Variants in CHCHD6 observed in about 807,000 individuals in gnomAD.
CHCHD6 encodes coiled-coil-helix-coiled-coil-helix domain containing 6, also known as MICOS complex subunit MIC25.
A neutral mutation model predicts 32.3 loss-of-function variants in CHCHD6; 28 were observed. That is an observed-to-expected ratio of 0.87 (90% CI 0.64 to 1.19). CHCHD6 has a LOEUF of 1.19. CHCHD6 is among the 50% of genes most tolerant of loss of function. The probability of loss-of-function intolerance (pLI) is 0.00; values close to 1 mark genes in which losing one functional copy is unlikely to be tolerated. For missense variants in CHCHD6, 333 were observed against 307.0 expected, an observed-to-expected ratio of 1.08 and a Z score of -0.63; for synonymous variants, 122 against 117.5, an observed-to-expected ratio of 1.04 and a Z score of -0.25.
chr3:126,940,536 A>G (rs1191278821), intron 6 of CHCHD6, among the ~76,000 whole-genome samples: 4 of 152,178 alleles, frequency 2.6e-5, no homozygotes, highest in Non-Finnish European at 4.4e-5. Flanking sequence ...GTGTGCTTAT[A>G]TGTTTAAATT....
intron 2 of CHCHD6, among the ~76,000 whole-genome samples, chr3:126,728,899 A>G (rs1392476898): frequency 3.9e-5 from 6 of 152,232 alleles, no homozygotes; most frequent in Admixed American, 6.5e-5. Context: ...GTCAGCATAA[A>G]TGGACTGTCT....
intron 1 of CHCHD6, among the ~76,000 whole-genome samples, chr3:126,709,975 T>C (rs931876760): frequency 6.6e-6 from 1 of 152,258 alleles, no homozygotes; most frequent in Non-Finnish European, 1.5e-5. Context: ...ACACCAATCC[T>C]ACATGGATAC....
chr3:126,946,887 A>G (rs2078647210), intron 6 of CHCHD6, among the ~76,000 whole-genome samples: 1 of 152,226 alleles, frequency 6.6e-6, no homozygotes, highest in South Asian at 2.1e-4. Context: ...TATCAGGAGG[A>G]CATATAATAG....
In CHCHD6 at chr3:126,852,041, C is replaced by T. The variant is rs1008268042; in HGVS notation, c.412-606C>T. 9.8e-5 allele frequency among the ~76,000 whole-genome samples: 15 copies of T among 152,324 alleles called. No individual in the cohort carries two copies. The East Asian group carries it at 2.1e-3, about 22-fold the overall frequency. On this transcript the variant is annotated intron_variant, in intron 4 of 7. Transcript: ENST00000290913. Reference sequence around the variant, plus strand: ...CAGGGACTCAACCATCCCCATCAGGCGGGTGAGGAAGCAGCGCCTCTCCAG... The same window carrying T: ...CAGGGACTCAACCATCCCCATCAGGTGGGTGAGGAAGCAGCGCCTCTCCAG...
At position 126,831,247 on chromosome 3, in the gene CHCHD6, G is replaced by A. The variant is rs556391122; in HGVS notation, c.412-21400G>A. 1.6e-4 allele frequency among the ~76,000 whole-genome samples: 24 copies of A among 152,010 alleles called. No homozygotes were observed. The East Asian group carries it at 4.7e-3, about 30-fold the overall frequency. On this transcript the variant is annotated intron_variant, in intron 4 of 7. Transcript: ENST00000290913. The stretch of plus-strand genomic sequence containing the variant: ...TCACTGTGTTAGCCAGGATGGTCTC[G>A]ATCTCCTGACCTCTTGATCCGCCCA...
intron 4 of CHCHD6, among the ~76,000 whole-genome samples, chr3:126,844,312 A>G (rs1941210907): frequency 6.6e-6 from 1 of 152,208 alleles, no homozygotes; most frequent in Non-Finnish European, 1.5e-5. Flanking sequence ...TTGAGAGCAG[A>G]TCAAAGTATT....
chr3:126,863,435 C>T (rs1306838146), intron 5 of CHCHD6, among the ~76,000 whole-genome samples: 1 of 140,314 alleles, frequency 7.1e-6, no homozygotes, highest in Non-Finnish European at 1.6e-5. Flanking sequence ...TCCTCCTCCA[C>T]CATCACCTCC....
chr3:126,946,804 T>A (rs1168601486), intron 6 of CHCHD6, among the ~76,000 whole-genome samples: 1 of 152,202 alleles, frequency 6.6e-6, no homozygotes, highest in Non-Finnish European at 1.5e-5. Flanking sequence ...ACTCGGAATC[T>A]CCTTACTGCT....
intron 4 of CHCHD6, among the ~76,000 whole-genome samples, chr3:126,824,925 G>A (rs1328054710): frequency 1.3e-5 from 2 of 152,044 alleles, no homozygotes; most frequent in African/African-American, 4.8e-5. Context: ...CTATGTCATT[G>A]ATTTGTATCC....
intron 1 of CHCHD6, among the ~76,000 whole-genome samples, chr3:126,723,820 T>A (rs542558308): frequency 4.6e-5 from 7 of 152,194 alleles, no homozygotes; most frequent in Non-Finnish European, 1.0e-4. Context: ...ATTCTGGAAG[T>A]GGAGTTGCTG....
At position 126,810,123 on chromosome 3, in the gene CHCHD6, T is replaced by TA. The variant is rs147430709; in HGVS notation, c.412-42520dup. Among the ~76,000 whole-genome samples, 1,355 of 152,308 alleles carry TA rather than the reference T, an allele frequency of 8.9e-3. 10 individuals carry two copies. Among genetic ancestry groups the TA allele is most frequent in the Middle Eastern group, 0.017 (5 of 294 alleles). On this transcript the variant is annotated intron_variant, in intron 4 of 7. Coordinates refer to ENST00000290913, the MANE Select transcript of CHCHD6 (RefSeq NM_032343.3). ...CTACAAGACAATGGATCAATGTCTT[T>TA]AAAATCCCAAAAGAACAAAATTTAA...
At chr3:126,759,112 A>C (rs1298124153) in intron 4 of CHCHD6, among the ~76,000 whole-genome samples, 1 of 152,018 alleles carries the variant, frequency 6.6e-6, no homozygotes, top group Non-Finnish European at 1.5e-5. Context: ...AGCAGCTCTT[A>C]TCTCTCATTG....
intron 4 of CHCHD6, among the ~76,000 whole-genome samples, chr3:126,768,364 A>G (rs1937462376): frequency 6.6e-6 from 1 of 152,212 alleles, no homozygotes; most frequent in African/African-American, 2.4e-5. Context: ...CTGCAGAAGC[A>G]GAAGCCACTA....
At chr3:126,910,273 G>GAAAAAAAAAAAA (rs547565601) in intron 5 of CHCHD6, among the ~76,000 whole-genome samples, 3 of 111,456 alleles carry the variant, frequency 2.7e-5, no homozygotes, top group Non-Finnish European at 3.7e-5. Context: ...CCTGCCTCAG[G>GAAAAAAAAAAAA]AAAAAAAAAA....
chr3:126,752,049 G>GAA (rs1257446425), intron 4 of CHCHD6, among the ~76,000 whole-genome samples: 45 of 152,198 alleles, frequency 3.0e-4, no homozygotes, highest in African/African-American at 1.1e-3. Flanking sequence ...CCAGAGCTTA[G>GAA]AACCTGTGTG....
rs1037508743 is a variant in CHCHD6, at chr3:126,839,737, T to A, written c.412-12910T>A. ...ACCTCAGGCTTTTTTTTCTTAATAT[T>A]TTGATAACTGTATTTCAATATAATT... On this transcript the variant is annotated intron_variant, in intron 4 of 7. Transcript: ENST00000290913. Among the ~76,000 whole-genome samples the A allele has an allele frequency of 4.6e-5, 7 of 152,318 alleles. No individual in the cohort carries two copies. In the South Asian group the frequency reaches 8.3e-4, roughly 18 times the overall value.
At chr3:126,958,106 G>A (rs1311917958) in intron 7 of CHCHD6, among the ~76,000 whole-genome samples, 2 of 151,652 alleles carry the variant, frequency 1.3e-5, no homozygotes, top group African/African-American at 2.4e-5. Flanking sequence ...AGTGGGCCTC[G>A]GTTGTCCTGG....
chr3:126,744,888 A>C (rs145328483), intron 4 of CHCHD6, among the ~76,000 whole-genome samples: 1 of 152,176 alleles, frequency 6.6e-6, no homozygotes, highest in Non-Finnish European at 1.5e-5. Context: ...GGGTTTCACC[A>C]TGTTGGCCAG....
At chr3:126,862,000 A>G (rs1355199078) in intron 5 of CHCHD6, among the ~76,000 whole-genome samples, 1 of 25,684 alleles carries the variant, frequency 3.9e-5, no homozygotes, top group Non-Finnish European at 8.1e-5. Flanking sequence ...CCCCTCCACC[A>G]TCACCACCTC....
Sources: gnomAD v4.1 joint callset for allele counts (sites outside exome capture counted in the v4.1 genomes callset) on GRCh38, gnomAD v4.1.1 for gene constraint, MANE v1.5 for transcripts, NCBI Gene and HGNC (gene_info 2026-07-23, HGNC 2026-07-21) for gene names.